The following TIMM9 variants were observed in gnomAD, a reference collection of about 807,000 sequenced individuals.
TIMM9 encodes translocase of inner mitochondrial membrane 9.
A neutral mutation model predicts 13.4 loss-of-function variants in TIMM9; 10 were observed. That is an observed-to-expected ratio of 0.75 (90% confidence interval 0.46 to 1.26). The LOEUF (loss-of-function observed/expected upper bound fraction) is 1.26. TIMM9 is among the 50% of genes most tolerant of loss of function. The probability of loss-of-function intolerance (pLI) is 0.00; values close to 1 mark genes in which losing one functional copy is unlikely to be tolerated. For synonymous variants in TIMM9, 32 were observed against 32.1 expected (o/e 1.00, Z 0.01); for missense variants, 87 against 100.8 (o/e 0.86, Z 0.58).
intron 2 of TIMM9, 41 bp from the exon 3 acceptor site, chr14:58,424,136 T>G (rs191706090): frequency 6.6e-6 from 1 of 152,344 alleles, no homozygotes; most frequent in Admixed American, 6.5e-5. Flanking sequence ...CCCCTTCAAG[T>G]TCTAATAGTC....
chr14:58,409,970 ATCC>A (rs1343997981), intron 5 of TIMM9, among the ~76,000 whole-genome samples: 1 of 151,894 alleles, frequency 6.6e-6, no homozygotes, highest in East Asian at 1.9e-4. Context: ...GGCTTAAGTG[ATCC>A]TCCTACCTCA....
At chr14:58,418,557 A>G (rs2036487929) in intron 3 of TIMM9, among the ~76,000 whole-genome samples, 1 of 152,220 alleles carries the variant, frequency 6.6e-6, no homozygotes, top group Non-Finnish European at 1.5e-5. Flanking sequence ...TGCAAAATCG[A>G]AAGAATCTAC....
At chr14:58,422,691 T>A (rs1175654957) in intron 3 of TIMM9, among the ~76,000 whole-genome samples, 1 of 152,210 alleles carries the variant, frequency 6.6e-6, no homozygotes. Context: ...TTATTGAGAA[T>A]TTGAAAAACA....
chr14:58,410,023 G>C (rs897118620), intron 5 of TIMM9, among the ~76,000 whole-genome samples: 1 of 151,816 alleles, frequency 6.6e-6, no homozygotes, highest in African/African-American at 2.4e-5. Flanking sequence ...ACACCACCAC[G>C]CCTGGCTAAT....
rs188197463 is a variant in TIMM9 at position 58,424,667 on chromosome 14, A to G, written c.-114-572T>C. On this transcript the variant is annotated intron_variant, in intron 2 of 5. Coordinates refer to ENST00000395159, the MANE Select transcript of TIMM9 (RefSeq NM_012460.4). ...TGGATAGCTTGAGCCCAAAAGTTCT[A>G]CATCAGCCTGGGCAACATGGCAAAA... is the stretch of plus-strand genomic sequence containing the variant. Among the ~76,000 whole-genome samples, 457 of 152,268 alleles carry G rather than the reference A, an allele frequency of 3.0e-3. 2 individuals carry two copies. Among genetic ancestry groups the G allele is most frequent in the Non-Finnish European group, 5.1e-3 (349 of 68,010 alleles).
rs374174833 is a variant in TIMM9, at chr14:58,412,016, G to A, written c.-26-45C>T. On this transcript the variant is annotated intron_variant, in intron 3 of 5. Transcript: ENST00000395159. ...CAAGTTTGTCAATCTATAAACAAAT[G>A]TTTTTAGTCTAACTGAAGAGTTAGG... 2.8e-6 allele frequency: 4 copies of A among 1,446,670 alleles called. No homozygotes were observed. In the African/African-American group the frequency reaches 4.2e-5, roughly 15 times the overall value. 89.6% of individuals were successfully genotyped at this position (1,446,670 alleles called of 1,614,324 possible).
chr14:58,409,100 C>T lies in TIMM9; in HGVS notation c.204G>A (p.Gln68=). The T allele has an allele frequency of 6.2e-7, 1 of 1,613,906 alleles. No individual in the cohort carries two copies. Among genetic ancestry groups the T allele is most frequent in the Non-Finnish European group, 8.5e-7 (1 of 1,179,936 alleles). The part of the protein sequence containing the change: ...KMTQRISMRF[Q]EYHIQQNEAL... ...CTTCATTCTGCTGAATATGATATTC[C>T]TGAAATCTCATGGATATTCTTTGTG... is the stretch of plus-strand genomic sequence containing the variant. The change falls in exon 6 of 6, where the codon CAG becomes CAA. Residue 68 remains glutamine (Q), a synonymous_variant. Transcript: ENST00000395159.
chr14:58,409,633 C>T (rs1268740159), intron 5 of TIMM9, among the ~76,000 whole-genome samples: 1 of 152,116 alleles, frequency 6.6e-6, no homozygotes, highest in East Asian at 1.9e-4. Flanking sequence ...GGCTTGAGTG[C>T]AGTGGCGTGA....
chr14:58,413,729 T>C (rs376739769), intron 3 of TIMM9, among the ~76,000 whole-genome samples: 2 of 152,260 alleles, frequency 1.3e-5, no homozygotes, highest in African/African-American at 4.8e-5. Flanking sequence ...TTGTATAGGC[T>C]GGGCGTGGTG....
chr14:58,411,598 G>GCCACGATCTCTGCACT (rs2036218843), intron 4 of TIMM9, among the ~76,000 whole-genome samples: 1 of 151,612 alleles, frequency 6.6e-6, no homozygotes, highest in South Asian at 2.1e-4. Flanking sequence ...GGAGTGCAAT[G>GCCACGATCTCTGCACT]CCACGATCTC....
intron 3 of TIMM9, among the ~76,000 whole-genome samples, chr14:58,417,377 G>T (rs1332766430): frequency 6.6e-6 from 1 of 151,310 alleles, no homozygotes; most frequent in African/African-American, 2.4e-5. Flanking sequence ...ATGGTGGCAT[G>T]TCCTATACCC....
chr14:58,411,864 C>T (rs769614171), intron 4 of TIMM9, 43 bp downstream of exon 4: 3 of 1,594,590 alleles, frequency 1.9e-6, no homozygotes, highest in African/African-American at 1.3e-5. Context: ...TAGCACCTTA[C>T]ATTTTTTTGC....
chr14:58,425,619 T>G (rs1378607048), intron 2 of TIMM9, among the ~76,000 whole-genome samples: 4 of 152,080 alleles, frequency 2.6e-5, no homozygotes, highest in Non-Finnish European at 5.9e-5. Flanking sequence ...AAGTTGTCAT[T>G]TTAATAATTC....
At chr14:58,420,515 G>T (rs894776248) in intron 3 of TIMM9, among the ~76,000 whole-genome samples, 64 of 152,266 alleles carry the variant, frequency 4.2e-4, no homozygotes, top group African/African-American at 1.5e-3. Flanking sequence ...ACAAGCTGCT[G>T]GGTGCGGTGG....
chr14:58,412,091 A>C (rs899513345), intron 3 of TIMM9, 120 bp from the exon 4 acceptor site: 11 of 676,246 alleles, frequency 1.6e-5, no homozygotes, highest in African/African-American at 5.4e-5. Context: ...GTATGCCACC[A>C]CCCCCAATTT....
At chr14:58,413,908 G>T (rs1392548760) in intron 3 of TIMM9, among the ~76,000 whole-genome samples, 1 of 148,544 alleles carries the variant, frequency 6.7e-6, no homozygotes, top group Non-Finnish European at 1.5e-5. Flanking sequence ...TTGGGAGGCT[G>T]AGGCAGAAGA....
chr14:58,424,285 A>T (rs937086482), intron 2 of TIMM9, among the ~76,000 whole-genome samples, 190 bp from the exon 3 acceptor site: 9 of 152,182 alleles, frequency 5.9e-5, no homozygotes, highest in African/African-American at 2.2e-4. Flanking sequence ...AAAAATACTT[A>T]ATGTCATGCT....
chr14:58,411,771 A>C (rs2036226256), intron 4 of TIMM9, 136 bp downstream of exon 4: 1 of 724,518 alleles, frequency 1.4e-6, no homozygotes, highest in Non-Finnish European at 2.4e-6. Flanking sequence ...TCCTGACTTC[A>C]TGTGATCCAC....
At position 58,409,038 on chromosome 14, in the gene TIMM9, C is replaced by T. The variant is rs370797955; in HGVS notation, c.266G>A (p.Arg89Gln). Reference sequence around the variant, plus strand: ...AGTTCATCCATCAGGACTTCTCTATCGTGGTTGGCCAAGGAGTCCTGCTTT... The same window carrying T: ...AGTTCATCCATCAGGACTTCTCTATTGTGGTTGGCCAAGGAGTCCTGCTTT... ...AAKAGLLGQP[R>Q] Residue 89 changes from arginine (R) to glutamine (Q), a missense_variant, in exon 6 of 6, where the codon CGA becomes CAA. Arg to Gln is a conservative substitution (Grantham distance 43). Coordinates refer to ENST00000395159, the MANE Select transcript of TIMM9 (RefSeq NM_012460.4). 6 of 1,611,712 alleles carry T rather than the reference C, an allele frequency of 3.7e-6. No homozygotes were observed. In the African/African-American group the frequency reaches 4.0e-5, roughly 11 times the overall value.
Sources: gnomAD v4.1 joint callset for allele counts (sites outside exome capture counted in the v4.1 genomes callset) on GRCh38, gnomAD v4.1.1 for gene constraint, MANE v1.5 for transcripts, NCBI Gene and HGNC (gene_info 2026-07-23, HGNC 2026-07-21) for gene names.